The following SLC9A9 variants were observed in gnomAD, a reference collection of about 807,000 sequenced individuals.
The protein encoded by SLC9A9 is sodium/hydrogen exchanger 9.
Under a neutral mutation model 77.8 loss-of-function variants are expected in SLC9A9, and 62 were observed. That is an observed-to-expected ratio of 0.80 (90% CI 0.65 to 0.98). SLC9A9 has a LOEUF of 0.98. Ranked by LOEUF, SLC9A9 falls within the 50% of genes least tolerant of loss-of-function variation. The pLI, the probability that SLC9A9 is intolerant of heterozygous loss-of-function variation, is 0.00. For synonymous variants in SLC9A9, 320 were observed against 283.5 expected (o/e 1.13, Z -1.29); for missense variants, 775 against 774.9 (o/e 1.00, Z 0.00).
chr3:143,332,311 A>G (rs1309581583), intron 14 of SLC9A9, among the ~76,000 whole-genome samples: 2 of 152,228 alleles, frequency 1.3e-5, no homozygotes, highest in Non-Finnish European at 2.9e-5. Flanking sequence ...AAAAACCTCA[A>G]CCAACTTACT....
At chr3:143,641,744 T>C (rs2038627696) in intron 6 of SLC9A9, among the ~76,000 whole-genome samples, 1 of 152,208 alleles carries the variant, frequency 6.6e-6, no homozygotes, top group South Asian at 2.1e-4. Context: ...TGAAGGTAGC[T>C]ATTGGAGTGA....
chr3:143,516,799 T>C (rs1048765448), intron 9 of SLC9A9, among the ~76,000 whole-genome samples: 3 of 152,184 alleles, frequency 2.0e-5, no homozygotes, highest in Non-Finnish European at 2.9e-5. Flanking sequence ...TTGCTGGTCA[T>C]AGGTTTGTAC....
intron 14 of SLC9A9, among the ~76,000 whole-genome samples, chr3:143,346,744 G>A (rs915340100): frequency 1.3e-5 from 2 of 152,078 alleles, no homozygotes; most frequent in African/African-American, 2.4e-5. Context: ...CGTGAGCCGA[G>A]ATAGTGCCAT....
chr3:143,306,526 G>A (rs2030791211), intron 14 of SLC9A9, among the ~76,000 whole-genome samples: 1 of 152,164 alleles, frequency 6.6e-6, no homozygotes, highest in South Asian at 2.1e-4. Context: ...AACATGTCTT[G>A]CCTGTAAGCT....
At chr3:143,833,982 C>T (rs774245558) in intron 1 of SLC9A9, among the ~76,000 whole-genome samples, 5 of 152,064 alleles carry the variant, frequency 3.3e-5, no homozygotes, top group Admixed American at 6.6e-5. Flanking sequence ...TGATTTTTAA[C>T]CCAATGGTAA....
At chr3:143,412,789 C>G (rs2034119901) in intron 12 of SLC9A9, among the ~76,000 whole-genome samples, 1 of 152,228 alleles carries the variant, frequency 6.6e-6, no homozygotes. Context: ...ACCCCAAACT[C>G]TAAATAACGT....
intron 2 of SLC9A9, among the ~76,000 whole-genome samples, chr3:143,805,746 A>T (rs2008694111): frequency 1.3e-5 from 2 of 152,110 alleles, no homozygotes; most frequent in South Asian, 4.1e-4. Flanking sequence ...TGCCTGCCAG[A>T]GAACAACCCC....
At chr3:143,781,804 G>C (rs1463714551) in intron 4 of SLC9A9, among the ~76,000 whole-genome samples, 2 of 152,176 alleles carry the variant, frequency 1.3e-5, no homozygotes, top group African/African-American at 4.8e-5. Context: ...TGATAATGTA[G>C]CTTGCCTTTT....
At chr3:143,605,183 C>T (rs1327615426) in intron 6 of SLC9A9, among the ~76,000 whole-genome samples, 1 of 152,184 alleles carries the variant, frequency 6.6e-6, no homozygotes, top group African/African-American at 2.4e-5. Context: ...GGGCCAACAT[C>T]CTGATCTCAG....
Position 143,265,514 on chromosome 3 carries a change from C to T in SLC9A9, c.*1188G>A, listed in dbSNP as rs1937681622. 1 of 184,318 alleles carries T rather than the reference C, an allele frequency of 5.4e-6. No individual in the cohort carries two copies. The highest frequency in any genetic ancestry group is 2.0e-4 in the South Asian group (1 of 5,088). The allele number at this position is 184,318 out of a possible 1,614,324, so 11.4% of individuals were successfully genotyped here. The stretch of plus-strand genomic sequence containing the variant: ...TCCCTACCTCCTTCAAAAGCAGACT[C>T]ATCATAGCCTGGGCACCTAGGCCTG... On this transcript the variant is annotated 3_prime_UTR_variant, in exon 16 of 16. Coordinates refer to ENST00000316549, the MANE Select transcript of SLC9A9 (RefSeq NM_173653.4).
chr3:143,356,778 G>A (rs149726071), intron 14 of SLC9A9, among the ~76,000 whole-genome samples: 651 of 152,172 alleles, frequency 4.3e-3, no homozygotes, highest in Non-Finnish European at 6.9e-3. Context: ...ACCCCCTAAG[G>A]TGCTGGGATT....
intron 4 of SLC9A9, among the ~76,000 whole-genome samples, chr3:143,744,290 C>G (rs536965987): frequency 6.6e-6 from 1 of 152,272 alleles, no homozygotes; most frequent in South Asian, 2.1e-4. Context: ...CGCTGATACC[C>G]CTGTGCTCTT....
intron 4 of SLC9A9, among the ~76,000 whole-genome samples, chr3:143,760,839 T>C (rs1386560261): frequency 2.6e-5 from 4 of 152,142 alleles, no homozygotes; most frequent in African/African-American, 9.7e-5. Flanking sequence ...TGGAAAAAAC[T>C]ACTTTAAAGT....
chr3:143,404,770 A>G (rs555992195), intron 12 of SLC9A9, among the ~76,000 whole-genome samples: 1 of 152,246 alleles, frequency 6.6e-6, no homozygotes, highest in South Asian at 2.1e-4. Context: ...TGGTTTTGTT[A>G]ATTTATTTAA....
intron 12 of SLC9A9, among the ~76,000 whole-genome samples, chr3:143,438,201 T>C (rs2034659178): frequency 6.6e-6 from 1 of 152,240 alleles, no homozygotes; most frequent in Non-Finnish European, 1.5e-5. Flanking sequence ...TAACAGTTTA[T>C]AGCTAGCATG....
At chr3:143,556,847 A>G (rs1170307374) in intron 8 of SLC9A9, among the ~76,000 whole-genome samples, 1 of 152,222 alleles carries the variant, frequency 6.6e-6, no homozygotes, top group African/African-American at 2.4e-5. Flanking sequence ...CCATTTGAAA[A>G]TAAAATCCAA....
At chr3:143,804,226 A>T (rs1009352405) in intron 2 of SLC9A9, among the ~76,000 whole-genome samples, 1 of 152,164 alleles carries the variant, frequency 6.6e-6, no homozygotes, top group African/African-American at 2.4e-5. Flanking sequence ...TGACAAACTT[A>T]AAAACATTAG....
In SLC9A9 at chr3:143,834,952, CT is replaced by C. The variant is rs1339614404; in HGVS notation, c.176-2732del. ...TTCTCTGCTCTGGAATCCATCACCA[CT>C]TTCACACTGAGGTCAGGCTCCCAGC... On this transcript the variant is annotated intron_variant, in intron 1 of 15. Transcript: ENST00000316549. 2.0e-5 allele frequency among the ~76,000 whole-genome samples: 3 copies of C among 152,174 alleles called. No homozygotes were observed. In the East Asian group the frequency reaches 5.8e-4, roughly 29 times the overall value.
intron 4 of SLC9A9, among the ~76,000 whole-genome samples, chr3:143,697,157 T>C (rs1316912921): frequency 6.6e-6 from 1 of 151,516 alleles, no homozygotes; most frequent in Non-Finnish European, 1.5e-5. Flanking sequence ...GAAAAATAAA[T>C]TGATAACACA....
Sources: allele counts gnomAD v4.1 joint callset (sites outside exome capture counted in the v4.1 genomes callset), GRCh38; gene constraint gnomAD v4.1.1; transcripts MANE v1.5; gene names NCBI Gene and HGNC (gene_info 2026-07-23, HGNC 2026-07-21).